Variants in NLGN1 observed in about 807,000 individuals in gnomAD.
The protein encoded by NLGN1 is neuroligin-1.
NLGN1 carries 12 observed loss-of-function variants against 65.5 expected under a neutral mutation model. The ratio of observed to expected loss-of-function variants is 0.18; its 90% confidence interval spans 0.12 to 0.30. The LOEUF is 0.30. NLGN1 is among the 10% of genes least tolerant of loss of function. The pLI is 1.00. For missense variants in NLGN1, 750 were observed against 1,007.1 expected, an observed-to-expected ratio of 0.74 and a Z score of 3.46; for synonymous variants, 350 against 359.5, an observed-to-expected ratio of 0.97 and a Z score of 0.30.
intron 4 of NLGN1, among the ~76,000 whole-genome samples, chr3:173,979,329 A>T (rs775082584): frequency 6.6e-6 from 1 of 152,148 alleles, no homozygotes; most frequent in Non-Finnish European, 1.5e-5. Flanking sequence ...TTAAAGGATG[A>T]TAGGAATAAT....
chr3:173,400,744 G>T (rs1019515613), intron 1 of NLGN1, among the ~76,000 whole-genome samples: 1 of 152,116 alleles, frequency 6.6e-6, no homozygotes, highest in African/African-American at 2.4e-5. Flanking sequence ...AATTGCCAGA[G>T]ATCAAAAGAC....
At chr3:173,514,820 T>G (rs76914714) in intron 2 of NLGN1, among the ~76,000 whole-genome samples, 1,667 of 152,354 alleles carry the variant, frequency 0.011, 65 homozygotes, top group East Asian at 0.077. Flanking sequence ...ATCCATGTTG[T>G]CACATATGGC....
chr3:174,281,573 A>G (rs1751543604), exon 7 of NLGN1: 4 of 349,790 alleles, frequency 1.1e-5, no homozygotes, highest in African/African-American at 2.1e-5. Flanking sequence ...TTTAAGTTAC[A>G]TAATGGAATT....
chr3:173,748,411 C>G (rs1440523238), intron 3 of NLGN1, among the ~76,000 whole-genome samples: 2 of 152,086 alleles, frequency 1.3e-5, no homozygotes, highest in Non-Finnish European at 2.9e-5. Context: ...CTGATGACAG[C>G]TTCTGGGAAG....
chr3:173,866,606 AC>A (rs1473392737), intron 4 of NLGN1, among the ~76,000 whole-genome samples: 3 of 152,200 alleles, frequency 2.0e-5, no homozygotes, highest in Non-Finnish European at 4.4e-5. Context: ...TATATTCTCA[AC>A]TAAGTTTACA....
At chr3:174,154,985 T>TAATTATATATAATATATAATATAA (rs1561175061) in intron 4 of NLGN1, among the ~76,000 whole-genome samples, 2 of 137,476 alleles carry the variant, frequency 1.5e-5, no homozygotes, top group Admixed American at 7.7e-5. Context: ...ATATATTATA[T>TAATTATATATAATATATAATATAA]TATATATTAT....
At chr3:174,268,266 C>T (rs1365579263) in intron 4 of NLGN1, among the ~76,000 whole-genome samples, 1 of 152,126 alleles carries the variant, frequency 6.6e-6, no homozygotes, top group East Asian at 1.9e-4. Context: ...GTTATTCAAA[C>T]TGCACAGGAA....
chr3:174,061,051 A>G (rs1737300831), intron 4 of NLGN1, among the ~76,000 whole-genome samples: 1 of 152,110 alleles, frequency 6.6e-6, no homozygotes, highest in African/African-American at 2.4e-5. Flanking sequence ...TGCCTATTAA[A>G]TAAGGTCTCA....
chr3:173,772,273 T>C (rs1433738648), intron 3 of NLGN1, among the ~76,000 whole-genome samples: 2 of 152,126 alleles, frequency 1.3e-5, no homozygotes, highest in Non-Finnish European at 2.9e-5. Flanking sequence ...TCAAATTTGT[T>C]CACATTTTCT....
chr3:174,276,887 A>G (rs535489914), intron 5 of NLGN1, among the ~76,000 whole-genome samples: 3 of 151,796 alleles, frequency 2.0e-5, no homozygotes, highest in Non-Finnish European at 4.4e-5. Context: ...TAATGCCACT[A>G]TGTAGCTAAA....
At chr3:173,754,036 T>G (rs1351857153) in intron 3 of NLGN1, among the ~76,000 whole-genome samples, 11 of 143,416 alleles carry the variant, frequency 7.7e-5, no homozygotes, top group African/African-American at 2.6e-4. Flanking sequence ...TTTTTTTTTT[T>G]TGTTTTTTTT....
At chr3:174,066,562 C>CTGTGTGTGTGTG (rs1401534201) in intron 4 of NLGN1, among the ~76,000 whole-genome samples, 72 of 129,922 alleles carry the variant, frequency 5.5e-4, no homozygotes, top group African/African-American at 2.1e-3. Flanking sequence ...CTCTCTCTCT[C>CTGTGTGTGTGTG]TCTGTGTGTG....
At chr3:173,987,387 C>G (rs1312256957) in intron 4 of NLGN1, among the ~76,000 whole-genome samples, 3 of 152,096 alleles carry the variant, frequency 2.0e-5, no homozygotes, top group Admixed American at 1.3e-4. Context: ...ATGTTACAAA[C>G]AGGGAAAATT....
chr3:174,109,080 C>A (rs1166973941), intron 4 of NLGN1, among the ~76,000 whole-genome samples: 3 of 151,690 alleles, frequency 2.0e-5, no homozygotes, highest in African/African-American at 7.3e-5. Context: ...TTTTAAATAA[C>A]CTTTACAATA....
chr3:173,883,535 T>C (rs1733731824), intron 4 of NLGN1, among the ~76,000 whole-genome samples: 1 of 152,160 alleles, frequency 6.6e-6, no homozygotes, highest in African/African-American at 2.4e-5. Context: ...CCGGTGCTGA[T>C]ATACTTGATT....
chr3:174,263,050 T>C lies in NLGN1; in HGVS notation c.647-12265T>C, dbSNP rs1173170591. ...TTTGATTGCACTGTGGTCTGAGAGA[T>C]AGTTTGTTATAATGTCTGTTCTTTT... On this transcript the variant is annotated intron_variant, in intron 4 of 6. Coordinates refer to ENST00000457714, the Ensembl canonical transcript of NLGN1. Among the ~76,000 whole-genome samples, 934 of 137,892 alleles carry C rather than the reference T, an allele frequency of 6.8e-3. 5 individuals carry two copies. The highest frequency in any genetic ancestry group is 0.011 in the Non-Finnish European group (722 of 64,196). 90.5% of individuals were successfully genotyped at this position (137,892 alleles called of 152,430 possible). A position where few individuals can be genotyped will look rare whatever the true frequency, so the allele number is the denominator to read the frequency against.
At chr3:173,854,772 A>G (rs1578805709) in intron 4 of NLGN1, among the ~76,000 whole-genome samples, 1 of 152,100 alleles carries the variant, frequency 6.6e-6, no homozygotes, top group African/African-American at 2.4e-5. Flanking sequence ...TAGCATAGAA[A>G]TAGAAGGAGA....
intron 4 of NLGN1, among the ~76,000 whole-genome samples, chr3:173,937,083 C>G (rs1164166210): frequency 6.6e-6 from 1 of 152,022 alleles, no homozygotes; most frequent in African/African-American, 2.4e-5. Context: ...TTCCATCCCC[C>G]TCAGCTTCCT....
At chr3:173,640,359 C>G (rs1406528643) in intron 3 of NLGN1, among the ~76,000 whole-genome samples, 1 of 152,012 alleles carries the variant, frequency 6.6e-6, no homozygotes, top group Non-Finnish European at 1.5e-5. Context: ...CATAAACATT[C>G]TTTATATTCT....
Sources: gnomAD v4.1 joint callset for allele counts (sites outside exome capture counted in the v4.1 genomes callset) on GRCh38, gnomAD v4.1.1 for gene constraint, MANE v1.5 for transcripts, NCBI Gene and HGNC (gene_info 2026-07-23, HGNC 2026-07-21) for gene names.